Variants in MCTP1 observed in about 807,000 individuals in gnomAD.
The protein encoded by MCTP1 is multiple C2 and transmembrane domain containing 1.
In MCTP1, 69 loss-of-function variants were observed where a neutral mutation model predicts 120.6. That is an observed-to-expected ratio of 0.57 (90% CI 0.47 to 0.70). The LOEUF (loss-of-function observed/expected upper bound fraction) is 0.70, where lower values mean the gene tolerates loss of function less well. MCTP1 is among the 30% of genes least tolerant of loss of function. The pLI, the probability that MCTP1 is intolerant of heterozygous loss-of-function variation, is 0.00. For synonymous variants in MCTP1, 529 were observed against 493.1 expected (o/e 1.07, Z -0.96); for missense variants, 1,203 against 1,248.8 (o/e 0.96, Z 0.55).
chr5:95,034,201 T>A (rs1840819672), intron 1 of MCTP1, among the ~76,000 whole-genome samples: 2 of 152,168 alleles, frequency 1.3e-5, no homozygotes, highest in South Asian at 4.1e-4. Flanking sequence ...AATGTCATTT[T>A]TCATGGAATT....
At chr5:95,269,439 GAAGA>G (rs1428539482) in intron 1 of MCTP1, among the ~76,000 whole-genome samples, 4 of 152,198 alleles carry the variant, frequency 2.6e-5, no homozygotes, top group East Asian at 1.9e-4. Flanking sequence ...GAACTCACAA[GAAGA>G]AAGATCTGAA....
At chr5:95,251,697 T>C (rs996007826) in intron 1 of MCTP1, among the ~76,000 whole-genome samples, 1 of 152,140 alleles carries the variant, frequency 6.6e-6, no homozygotes, top group Non-Finnish European at 1.5e-5. Context: ...ATTTCTCTTA[T>C]AGTAATAATA....
intron 19 of MCTP1, among the ~76,000 whole-genome samples, chr5:94,757,850 C>T (rs1375956948): frequency 6.6e-6 from 1 of 152,136 alleles, no homozygotes; most frequent in Non-Finnish European, 1.5e-5. Flanking sequence ...ATCAGAGACA[C>T]AAGAAAACCA....
chr5:94,826,047 C>G (rs1214826159), intron 17 of MCTP1: 1 of 322,350 alleles, frequency 3.1e-6, no homozygotes, highest in South Asian at 3.8e-5. Context: ...TTCATTCTGG[C>G]TCGTGGAGAA....
chr5:94,987,342 G>A (rs1276589183), intron 2 of MCTP1, among the ~76,000 whole-genome samples: 4 of 152,256 alleles, frequency 2.6e-5, no homozygotes, highest in African/African-American at 9.6e-5. Flanking sequence ...CTCCAGGTGT[G>A]CAGGGTGCTT....
At chr5:94,815,182 A>T (rs1165391809) in intron 17 of MCTP1, among the ~76,000 whole-genome samples, 1 of 152,208 alleles carries the variant, frequency 6.6e-6, no homozygotes, top group Non-Finnish European at 1.5e-5. Context: ...GACAAGTGAA[A>T]TACACCTGAA....
chr5:95,060,114 G>C (rs4869120), intron 1 of MCTP1, among the ~76,000 whole-genome samples: 142,127 of 152,182 alleles, frequency 0.93, 67,149 homozygotes, highest in East Asian at 1. Context: ...TATACCTCAC[G>C]TGCCCTCTAG....
At chr5:94,927,648 C>T (rs1414335442) in intron 6 of MCTP1, among the ~76,000 whole-genome samples, 2 of 151,998 alleles carry the variant, frequency 1.3e-5, no homozygotes, top group Non-Finnish European at 2.9e-5. Context: ...TTCATCATGT[C>T]TAGCTGACTG....
chr5:95,257,796 T>TACACACATACAC lies in MCTP1; in HGVS notation c.720+26059_720+26060insGTGTATGTGTGT, dbSNP rs56080673. On this transcript the variant is annotated intron_variant, in intron 1 of 22. Coordinates refer to ENST00000515393, the MANE Select transcript of MCTP1 (RefSeq NM_024717.7). ...AAGGAAGGAAGTGCTCCAGAAAACA[T>TACACACATACAC]ACACACACACACACACACACACACA... Among the ~76,000 whole-genome samples, 528 of 125,410 alleles carry TACACACATACAC rather than the reference T, an allele frequency of 4.2e-3. 6 individuals carry two copies. Among genetic ancestry groups the TACACACATACAC allele is most frequent in the African/African-American group, 0.014 (436 of 31,470 alleles). 82.3% of individuals were successfully genotyped at this position (125,410 alleles called of 152,430 possible). A position where few individuals can be genotyped will look rare whatever the true frequency, so the allele number is the denominator to read the frequency against.
At chr5:94,956,253 TCC>T (rs968544060) in intron 2 of MCTP1, among the ~76,000 whole-genome samples, 15 of 151,880 alleles carry the variant, frequency 9.9e-5, no homozygotes, top group African/African-American at 3.4e-4. Flanking sequence ...GAAAACTCCA[TCC>T]AAAGGTCACC....
intron 2 of MCTP1, among the ~76,000 whole-genome samples, chr5:94,958,742 G>C (rs1239858721): frequency 6.6e-6 from 1 of 152,138 alleles, no homozygotes; most frequent in Admixed American, 6.5e-5. Context: ...TCCCTGAATA[G>C]ACCAATAACA....
At chr5:94,948,589 A>G (rs969992604) in intron 3 of MCTP1, among the ~76,000 whole-genome samples, 1 of 152,134 alleles carries the variant, frequency 6.6e-6, no homozygotes, top group Non-Finnish European at 1.5e-5. Flanking sequence ...TGGGTGCTCT[A>G]TGGTTTATGG....
At chr5:95,068,824 C>T in intron 1 of MCTP1, 2 of 1,270,938 alleles carry the variant, frequency 1.6e-6, no homozygotes, top group African/African-American at 1.5e-5. Context: ...TCTTACCATA[C>T]AGGGTCTGCC....
At chr5:94,857,978 G>A (rs771148560) in intron 17 of MCTP1, among the ~76,000 whole-genome samples, 1 of 151,778 alleles carries the variant, frequency 6.6e-6, no homozygotes, top group African/African-American at 2.4e-5. Context: ...GAAAGACAGC[G>A]ATACAATGAA....
intron 1 of MCTP1, among the ~76,000 whole-genome samples, chr5:95,275,305 A>G (rs576681902): frequency 1.3e-5 from 2 of 152,348 alleles, no homozygotes; most frequent in Non-Finnish European, 2.9e-5. Context: ...AAAATCTGGG[A>G]TTTGGCTTCT....
rs905396755 is a variant in MCTP1, at chr5:94,868,403, A to G, written c.2366T>C (p.Val789Ala). 3.7e-6 allele frequency: 6 copies of G among 1,608,706 alleles called. No individual in the cohort carries two copies. The highest frequency in any genetic ancestry group is 5.1e-6 in the Non-Finnish European group (6 of 1,177,380). ...IRMKRCVMVL[V>A]NAAYYVNSCF... The stretch of plus-strand genomic sequence containing the variant: ...ACTATTAACGTAGTATGCAGCATTT[A>G]CCAGCACCATGACACAACGTTTCAT... The change falls in exon 17 of 23, where the codon GTA becomes GCA. Residue 789 changes from valine to alanine, a missense_variant. Around this residue, in one of 2 missense-constraint regions of MCTP1, gnomAD observed 740 missense variants for 871.1 expected, o/e 0.85. Transcript: ENST00000515393.
At chr5:95,179,986 G>A (rs1748427007) in intron 1 of MCTP1, among the ~76,000 whole-genome samples, 1 of 152,138 alleles carries the variant, frequency 6.6e-6, no homozygotes, top group African/African-American at 2.4e-5. Context: ...AAGCAAGCAG[G>A]AGTAGCTATT....
chr5:94,777,927 CGTGTGTGTGTGTGTGT>C (rs71615135), intron 19 of MCTP1, among the ~76,000 whole-genome samples: 2 of 148,850 alleles, frequency 1.3e-5, no homozygotes, highest in Non-Finnish European at 3.0e-5. Context: ...AGAAAGTGTG[CGTGTGTGTGTGTGTGT>C]GTGTGTGTGT....
intron 21 of MCTP1, 106 bp from the exon 22 acceptor site, chr5:94,708,715 T>C: frequency 1.6e-6 from 1 of 632,648 alleles, no homozygotes. Flanking sequence ...TACACCCAGT[T>C]TTTTCCCCCT....
Sources: allele counts gnomAD v4.1 joint callset (sites outside exome capture counted in the v4.1 genomes callset), GRCh38; gene constraint gnomAD v4.1.1; regional missense constraint gnomAD v4.1.1; transcripts MANE v1.5; gene names NCBI Gene and HGNC (gene_info 2026-07-23, HGNC 2026-07-21).